UBE2E2: variants seen among roughly 807,000 people sequenced by gnomAD.
The protein encoded by UBE2E2 is ubiquitin-conjugating enzyme E2 E2.
A neutral mutation model predicts 24.7 loss-of-function variants in UBE2E2; 6 were observed. That is an observed-to-expected ratio of 0.24 (90% CI 0.13 to 0.48). The LOEUF (loss-of-function observed/expected upper bound fraction) is 0.48, where lower values mean the gene tolerates loss of function less well. Ranked by LOEUF, UBE2E2 falls within the 20% of genes least tolerant of loss-of-function variation. The pLI is 0.99. For synonymous variants in UBE2E2, 104 were observed against 83.6 expected, an observed-to-expected ratio of 1.24 and a Z score of -1.33; for missense variants, 169 against 245.0, an observed-to-expected ratio of 0.69 and a Z score of 2.07.
chr3:23,492,732 T>C (rs1031599745), intron 3 of UBE2E2, among the ~76,000 whole-genome samples: 11 of 152,200 alleles, frequency 7.2e-5, no homozygotes, highest in Non-Finnish European at 1.6e-4. Context: ...GCATTTGATA[T>C]GTTCAAGCAA....
At chr3:23,550,416 T>G (rs1334260409) in intron 5 of UBE2E2, among the ~76,000 whole-genome samples, 1 of 152,190 alleles carries the variant, frequency 6.6e-6, no homozygotes, top group Non-Finnish European at 1.5e-5. Flanking sequence ...GTTCCTTTGC[T>G]TTTACTCTGT....
intron 3 of UBE2E2, among the ~76,000 whole-genome samples, chr3:23,484,838 G>T (rs1699328422): frequency 6.6e-6 from 1 of 152,094 alleles, no homozygotes; most frequent in South Asian, 2.1e-4. Context: ...CTTATTCACT[G>T]TCAGGAGAAC....
At chr3:23,271,028 T>C (rs1320652396) in intron 3 of UBE2E2, 1 of 456,604 alleles carries the variant, frequency 2.2e-6, no homozygotes, top group East Asian at 6.9e-5. Flanking sequence ...CTTACTTCTA[T>C]TCATTTCTCA....
intron 3 of UBE2E2, among the ~76,000 whole-genome samples, chr3:23,290,824 G>T (rs1698744295): frequency 6.6e-6 from 1 of 150,596 alleles, no homozygotes; most frequent in African/African-American, 2.4e-5. Context: ...GGAGGCCAAG[G>T]TGGGAGGATC....
chr3:23,359,743 T>C (rs1696061810), intron 3 of UBE2E2, among the ~76,000 whole-genome samples: 1 of 152,180 alleles, frequency 6.6e-6, no homozygotes, highest in Admixed American at 6.5e-5. Context: ...ATTTTATTAC[T>C]CAGGAAATTA....
At chr3:23,579,638 T>A (rs1696430836) in intron 5 of UBE2E2, among the ~76,000 whole-genome samples, 1 of 151,080 alleles carries the variant, frequency 6.6e-6, no homozygotes, top group Non-Finnish European at 1.5e-5. Context: ...ATCGCGAAGT[T>A]ACAGTGAACT....
upstream of UBE2E2, chr3:23,203,130 G>GGGC (rs1446076938): frequency 1.5e-5 from 15 of 984,396 alleles, no homozygotes; most frequent in South Asian, 4.6e-5. Context: ...GCGGACGGCC[G>GGGC]GGCGGCGGCG....
At chr3:23,361,144 G>T (rs1409424259) in intron 3 of UBE2E2, among the ~76,000 whole-genome samples, 1 of 152,142 alleles carries the variant, frequency 6.6e-6, no homozygotes, top group Non-Finnish European at 1.5e-5. Context: ...CCTTACTCCT[G>T]TAAGAATGGC....
intron 3 of UBE2E2, among the ~76,000 whole-genome samples, chr3:23,470,946 T>C (rs1699022683): frequency 2.6e-5 from 4 of 152,204 alleles, no homozygotes; most frequent in African/African-American, 9.7e-5. Context: ...TGGACAGTTA[T>C]GTTCCGACAC....
chr3:23,353,841 C>G (rs1449172599), intron 3 of UBE2E2, among the ~76,000 whole-genome samples: 1 of 152,108 alleles, frequency 6.6e-6, no homozygotes, highest in Non-Finnish European at 1.5e-5. Context: ...AATGCCATCC[C>G]CATCAAGCTA....
intron 3 of UBE2E2, among the ~76,000 whole-genome samples, chr3:23,228,874 C>T (rs979009313): frequency 6.6e-6 from 1 of 152,192 alleles, no homozygotes; most frequent in African/African-American, 2.4e-5. Flanking sequence ...ACTCTCTCCA[C>T]ACACTTTCGC....
At chr3:23,248,817 C>T (rs2125343759) in intron 3 of UBE2E2, among the ~76,000 whole-genome samples, 1 of 152,338 alleles carries the variant, frequency 6.6e-6, no homozygotes, top group Non-Finnish European at 1.5e-5. Flanking sequence ...TAGTCAGCTA[C>T]TTCATCTGTT....
intron 5 of UBE2E2, among the ~76,000 whole-genome samples, chr3:23,563,867 A>C (rs1695996139): frequency 6.6e-6 from 1 of 152,010 alleles, no homozygotes. Context: ...TTCTAGGCCT[A>C]AGACAGTATA....
intron 5 of UBE2E2, among the ~76,000 whole-genome samples, chr3:23,556,454 T>TTAAAAAAAAAAAAAA (rs1553620573): frequency 2.1e-5 from 2 of 94,334 alleles, no homozygotes; most frequent in African/African-American, 4.5e-5. Context: ...AAAATTTATT[T>TTAAAAAAAAAAAAAA]AAAAAAAAAA....
intron 4 of UBE2E2, among the ~76,000 whole-genome samples, chr3:23,515,041 T>C (rs1694696980): frequency 6.6e-6 from 1 of 152,144 alleles, no homozygotes. Flanking sequence ...TCAATGATTG[T>C]ATGATTTGTA....
intron 3 of UBE2E2, among the ~76,000 whole-genome samples, chr3:23,384,730 A>G (rs1282035905): frequency 6.7e-6 from 1 of 150,234 alleles, no homozygotes; most frequent in Non-Finnish European, 1.5e-5. Flanking sequence ...TTTATTAGAG[A>G]CGGGGTTTCA....
At chr3:23,328,559 T>C (rs1028850338) in intron 3 of UBE2E2, among the ~76,000 whole-genome samples, 2 of 152,188 alleles carry the variant, frequency 1.3e-5, no homozygotes, top group Admixed American at 6.5e-5. Context: ...TTTTTGACTT[T>C]GGATATTTTC....
intron 3 of UBE2E2, among the ~76,000 whole-genome samples, chr3:23,398,126 A>G (rs894776359): frequency 1.3e-5 from 2 of 152,078 alleles, no homozygotes; most frequent in African/African-American, 4.8e-5. Flanking sequence ...CAGCCTGGCC[A>G]ACATGGTGAA....
chr3:23,391,121 A>G (rs959366930), intron 3 of UBE2E2, among the ~76,000 whole-genome samples: 2 of 152,206 alleles, frequency 1.3e-5, no homozygotes, highest in Non-Finnish European at 2.9e-5. Flanking sequence ...GCAGATGATA[A>G]ATCTGAATCC....
Sources: allele counts gnomAD v4.1 joint callset (sites outside exome capture counted in the v4.1 genomes callset), GRCh38; gene constraint gnomAD v4.1.1; transcripts MANE v1.5; gene names NCBI Gene and HGNC (gene_info 2026-07-23, HGNC 2026-07-21).